TRPC7: variants seen among roughly 807,000 people sequenced by gnomAD.
The protein encoded by TRPC7 is short transient receptor potential channel 7.
TRPC7 carries 42 observed loss-of-function variants against 90.1 expected under a neutral mutation model. The observed-to-expected ratio is 0.47, with a 90% CI of 0.36 to 0.60. TRPC7 has a LOEUF of 0.60. Ranked by LOEUF, TRPC7 falls within the 20% of genes least tolerant of loss-of-function variation. The pLI is 0.00. For missense variants in TRPC7, 955 were observed against 1,112.3 expected (o/e 0.86, Z 2.01); for synonymous variants, 451 against 436.3 (o/e 1.03, Z -0.42).
At chr5:136,352,611 G>A (rs529972909) in intron 2 of TRPC7, among the ~76,000 whole-genome samples, 1 of 152,144 alleles carries the variant, frequency 6.6e-6, no homozygotes, top group Non-Finnish European at 1.5e-5. Context: ...TACACAGAGA[G>A]CGCATATTCC....
In TRPC7 at chr5:136,315,853, C is replaced by G. The variant is rs564930874; in HGVS notation, c.781-74G>C. The G allele has an allele frequency of 5.0e-6, 7 of 1,405,334 alleles. 1 individual carries two copies. The Middle Eastern group carries it at 5.4e-4, about 109-fold the overall frequency. 87.1% of individuals were successfully genotyped at this position (1,405,334 alleles called of 1,614,324 possible). A position where few individuals can be genotyped will look rare whatever the true frequency, so the allele number is the denominator to read the frequency against. Reference sequence around the variant, plus strand: ...ATTGGCTTGCCCAGCATAGCAGTGTCGATCAGCAACTGCTCACCACATGTG... The same window carrying G: ...ATTGGCTTGCCCAGCATAGCAGTGTGGATCAGCAACTGCTCACCACATGTG... On this transcript the variant is annotated intron_variant, in intron 2 of 11. Transcript: ENST00000513104.
In TRPC7 at chr5:136,225,374, C is replaced by T; in HGVS notation, c.2263-20G>A. ...AGTCTTCTGGATAAAACAAACAAAC[C>T]CACACACATCACACAGAAAAACATA... On this transcript the variant is annotated intron_variant, in intron 9 of 11. Coordinates refer to ENST00000513104, the MANE Select transcript of TRPC7 (RefSeq NM_020389.3). The T allele has an allele frequency of 6.2e-7, 1 of 1,608,110 alleles. No homozygotes were observed. Among genetic ancestry groups the T allele is most frequent in the Non-Finnish European group, 8.5e-7 (1 of 1,176,772 alleles).
At chr5:136,219,981 C>T (rs1337352510) in intron 10 of TRPC7, among the ~76,000 whole-genome samples, 1 of 152,184 alleles carries the variant, frequency 6.6e-6, no homozygotes, top group Non-Finnish European at 1.5e-5. Context: ...GGAGCTGCGG[C>T]AGAGGAACAT....
In TRPC7 at chr5:136,231,549, C is replaced by T. The variant is rs1004141022; in HGVS notation, c.1845G>A (p.Thr615=). Residue 615 remains threonine (T), a splice_region_variant and synonymous_variant, in exon 8 of 12, where the codon ACG becomes ACA. Coordinates refer to ENST00000513104, the MANE Select transcript of TRPC7 (RefSeq NM_020389.3). ...ACAAAGTTTTAAAACTTTCTTCAACCCTGCAAAGAAACAGACGGTCCTTTT... is the reference window on the plus strand; with the variant it reads ...ACAAAGTTTTAAAACTTTCTTCAACTCTGCAAAGAAACAGACGGTCCTTTT... ...RGAKYNPAFT[T]VEESFKTLFW... is the part of the protein sequence containing the mutation. 2.5e-6 allele frequency: 4 copies of T among 1,586,994 alleles called. No individual in the cohort carries two copies. Among genetic ancestry groups the T allele is most frequent in the Non-Finnish European group, 3.4e-6 (4 of 1,161,488 alleles).
chr5:136,240,410 C>T (rs1756123535), intron 7 of TRPC7, among the ~76,000 whole-genome samples: 1 of 152,208 alleles, frequency 6.6e-6, no homozygotes, highest in South Asian at 2.1e-4. Flanking sequence ...TCTATGGCCT[C>T]AGGGACAAAC....
chr5:136,339,771 A>G (rs924682924), intron 2 of TRPC7, among the ~76,000 whole-genome samples: 2 of 152,162 alleles, frequency 1.3e-5, no homozygotes, highest in Non-Finnish European at 2.9e-5. Context: ...GTTCTTGGGA[A>G]GACAGAATTG....
chr5:136,335,365 C>G (rs771763576), intron 2 of TRPC7, among the ~76,000 whole-genome samples: 1 of 151,962 alleles, frequency 6.6e-6, no homozygotes, highest in Non-Finnish European at 1.5e-5. Flanking sequence ...AAATGGAGTT[C>G]CCTCCACTTA....
At chr5:136,329,322 G>A (rs1417934256) in intron 2 of TRPC7, among the ~76,000 whole-genome samples, 2 of 152,116 alleles carry the variant, frequency 1.3e-5, no homozygotes, top group East Asian at 1.9e-4. Flanking sequence ...TGTATGCCAG[G>A]CACTGAGAAT....
At chr5:136,301,562 T>A (rs1580925031) in intron 3 of TRPC7, among the ~76,000 whole-genome samples, 1 of 152,220 alleles carries the variant, frequency 6.6e-6, no homozygotes, top group South Asian at 2.1e-4. Flanking sequence ...TCCCCCACCC[T>A]TAAGAAGGTA....
chr5:136,288,013 A>G (rs1466849003), intron 3 of TRPC7, among the ~76,000 whole-genome samples: 1 of 152,208 alleles, frequency 6.6e-6, no homozygotes, highest in Non-Finnish European at 1.5e-5. Flanking sequence ...GCCAACATTT[A>G]TTGGATATGA....
intron 7 of TRPC7, among the ~76,000 whole-genome samples, chr5:136,245,320 G>A (rs1008983343): frequency 2.0e-5 from 3 of 152,218 alleles, no homozygotes; most frequent in African/African-American, 7.2e-5. Context: ...GCTTCAGGGA[G>A]TAACAGCTTC....
chr5:136,257,942 A>T (rs1202423493), intron 5 of TRPC7, among the ~76,000 whole-genome samples: 2 of 152,240 alleles, frequency 1.3e-5, no homozygotes, highest in East Asian at 3.9e-4. Context: ...TAATTCAGGA[A>T]GCCCTGGGTT....
chr5:136,245,122 A>T (rs1725212179), intron 7 of TRPC7, among the ~76,000 whole-genome samples: 1 of 152,150 alleles, frequency 6.6e-6, no homozygotes, highest in Non-Finnish European at 1.5e-5. Flanking sequence ...GGCCCAAGGG[A>T]TTTAAGCACT....
intron 5 of TRPC7, 100 bp from the exon 6 acceptor site, chr5:136,251,982 G>C: frequency 2.2e-6 from 2 of 925,180 alleles, no homozygotes; most frequent in South Asian, 1.6e-5. Flanking sequence ...GTAAATATCA[G>C]CTCTTTGGAG....
chr5:136,289,666 C>T (rs911965451), intron 3 of TRPC7, among the ~76,000 whole-genome samples: 1 of 152,238 alleles, frequency 6.6e-6, no homozygotes. Flanking sequence ...TGGGTGGAGC[C>T]CACCATAGCT....
At chr5:136,276,062 C>T (rs17751251) in intron 3 of TRPC7, among the ~76,000 whole-genome samples, 3,339 of 152,272 alleles carry the variant, frequency 0.022, 62 homozygotes, top group Non-Finnish European at 0.034. Context: ...CAGAACATCC[C>T]TTTTCTGCAA....
intron 3 of TRPC7, among the ~76,000 whole-genome samples, chr5:136,311,242 T>G (rs566810775): frequency 6.6e-6 from 1 of 151,930 alleles, no homozygotes. Flanking sequence ...GAGGAGGGAA[T>G]GGTGTAGGGG....
Position 136,357,212 on chromosome 5 carries a change from A to C in TRPC7, c.176T>G (p.Val59Gly). 1 of 1,613,722 alleles carries C rather than the reference A, an allele frequency of 6.2e-7. No individual in the cohort carries two copies. Among genetic ancestry groups the C allele is most frequent in the Non-Finnish European group, 8.5e-7 (1 of 1,179,938 alleles). ...DSAEYGNIPVVRKMLEESKTL... is the reference protein window; with the variant it reads ...DSAEYGNIPVGRKMLEESKTL... ...CTTGGACTCCTCCAGCATTTTCCGG[A>C]CCACCGGGATGTTGCCATACTCAGC... Residue 59 changes from valine to glycine, a missense_variant, in exon 2 of 12, where the codon GTC (valine) becomes GGC (glycine). Val to Gly is a moderately radical substitution (Grantham distance 109, BLOSUM62 -3). Transcript: ENST00000513104.
intron 8 of TRPC7, among the ~76,000 whole-genome samples, chr5:136,226,800 A>G (rs934546057): frequency 1.3e-5 from 2 of 152,246 alleles, no homozygotes; most frequent in Non-Finnish European, 2.9e-5. Context: ...AATGCAGTAG[A>G]TCAAAAATAT....
Sources: gnomAD v4.1 joint callset for allele counts (sites outside exome capture counted in the v4.1 genomes callset) on GRCh38, gnomAD v4.1.1 for gene constraint, MANE v1.5 for transcripts, NCBI Gene and HGNC (gene_info 2026-07-23, HGNC 2026-07-21) for gene names.